Variants in AFG2A observed in about 807,000 individuals in gnomAD.
AFG2A encodes the protein AAA ATPase AFG2A, also known as ATPase family gene 2 protein homolog A.
At chr4:123,064,859 TA>T in the AFG2A span, among the ~76,000 whole-genome samples, 1 of 152,206 alleles carries the variant, frequency 6.6e-6, no homozygotes, top group East Asian at 1.9e-4. Context: ...TCATCTTTTT[TA>T]CTTAACTTCC....
the AFG2A span, among the ~76,000 whole-genome samples, chr4:123,080,842 T>C: frequency 6.6e-6 from 1 of 152,316 alleles, no homozygotes; most frequent in South Asian, 2.1e-4. Context: ...TTGCCATGAT[T>C]TTAATTCAGA....
At chr4:123,005,740 A>T in the AFG2A span, among the ~76,000 whole-genome samples, 1 of 152,224 alleles carries the variant, frequency 6.6e-6, no homozygotes, top group African/African-American at 2.4e-5. Context: ...ACATCTTTAA[A>T]TTATCACAGT....
the AFG2A span, among the ~76,000 whole-genome samples, chr4:122,930,827 C>T: frequency 1.3e-5 from 2 of 152,108 alleles, no homozygotes; most frequent in Admixed American, 6.6e-5. Context: ...ACCTCTTGAG[C>T]GCACAGCAGT....
the AFG2A span, among the ~76,000 whole-genome samples, chr4:123,067,073 C>T: frequency 6.6e-6 from 1 of 152,166 alleles, no homozygotes; most frequent in Non-Finnish European, 1.5e-5. Context: ...CTTGCTGTAG[C>T]TATCTCACCT....
the AFG2A span, among the ~76,000 whole-genome samples, chr4:123,257,758 C>T: frequency 2.0e-4 from 30 of 152,210 alleles, no homozygotes; most frequent in Non-Finnish European, 3.1e-4. Flanking sequence ...AAGAGGAAGA[C>T]GAAGAAACCA....
At chr4:123,183,933 T>TATTCATTCATTCATTC in the AFG2A span, among the ~76,000 whole-genome samples, 52 of 137,390 alleles carry the variant, frequency 3.8e-4, no homozygotes, top group African/African-American at 6.9e-4. Flanking sequence ...CTTGCTTATT[T>TATTCATTCATTCATTC]ATTCATTCAT....
chr4:123,136,442 G>A, the AFG2A span, among the ~76,000 whole-genome samples: 1 of 152,018 alleles, frequency 6.6e-6, no homozygotes, highest in Non-Finnish European at 1.5e-5. Flanking sequence ...GCCTAGACGG[G>A]CGGATCACGA....
chr4:122,974,869 A>G, the AFG2A span, among the ~76,000 whole-genome samples: 1 of 151,970 alleles, frequency 6.6e-6, no homozygotes, highest in Non-Finnish European at 1.5e-5. Context: ...CGAACTCTTG[A>G]TCTCAGGTGA....
At chr4:123,137,660 T>A in the AFG2A span, among the ~76,000 whole-genome samples, 2 of 152,232 alleles carry the variant, frequency 1.3e-5, no homozygotes, top group East Asian at 3.8e-4. Context: ...TCAGGTTTCT[T>A]AAAGTTGTGT....
At chr4:122,965,797 T>C in the AFG2A span, among the ~76,000 whole-genome samples, 1 of 152,200 alleles carries the variant, frequency 6.6e-6, no homozygotes, top group African/African-American at 2.4e-5. Flanking sequence ...TCTAAAAATA[T>C]ATGTATTTTT....
chr4:123,093,392 G>T, the AFG2A span, among the ~76,000 whole-genome samples: 3 of 152,268 alleles, frequency 2.0e-5, no homozygotes, highest in African/African-American at 7.2e-5. Context: ...CATGGAAACG[G>T]GTGGTAACTT....
the AFG2A span, among the ~76,000 whole-genome samples, chr4:122,994,642 A>G: frequency 6.6e-6 from 1 of 151,644 alleles, no homozygotes; most frequent in Non-Finnish European, 1.5e-5. Flanking sequence ...GAATTTGGAC[A>G]TTTGGTTCAC....
the AFG2A span, among the ~76,000 whole-genome samples, chr4:123,078,349 GGAA>G: frequency 6.6e-6 from 1 of 152,130 alleles, no homozygotes; most frequent in Admixed American, 6.5e-5. Flanking sequence ...TGAACGTCAA[GGAA>G]TAAAAGACTG....
the AFG2A span, among the ~76,000 whole-genome samples, chr4:123,300,641 C>G: frequency 3.9e-5 from 6 of 152,106 alleles, no homozygotes; most frequent in Non-Finnish European, 8.8e-5. Flanking sequence ...TGAAATTACA[C>G]ATAGTTAATA....
chr4:123,234,096 A>G, the AFG2A span, among the ~76,000 whole-genome samples: 1 of 152,154 alleles, frequency 6.6e-6, no homozygotes, highest in African/African-American at 2.4e-5. Context: ...GGAAAACTTT[A>G]ACATAATCCA....
At chr4:123,064,079 AG>A in the AFG2A span, among the ~76,000 whole-genome samples, 1 of 152,206 alleles carries the variant, frequency 6.6e-6, no homozygotes, top group Non-Finnish European at 1.5e-5. Context: ...CCTGTTTAAT[AG>A]ATTCTTTGGG....
chr4:123,206,245 A>G, the AFG2A span, among the ~76,000 whole-genome samples: 2 of 152,026 alleles, frequency 1.3e-5, no homozygotes, highest in African/African-American at 2.4e-5. Context: ...AAATTTGAGG[A>G]ATGTAAGTAT....
the AFG2A span, chr4:122,929,113 T>G: frequency 6.2e-7 from 1 of 1,613,582 alleles, no homozygotes; most frequent in Non-Finnish European, 8.5e-7. Flanking sequence ...CAGAAAAATG[T>G]GGGTGTGAGG....
the AFG2A span, among the ~76,000 whole-genome samples, chr4:122,992,535 G>A: frequency 1.3e-5 from 2 of 152,058 alleles, no homozygotes; most frequent in Admixed American, 1.3e-4. Context: ...ACTTATTTTG[G>A]TATAGAAAAC....
Sources: allele counts gnomAD v4.1 joint callset (sites outside exome capture counted in the v4.1 genomes callset), GRCh38; gene constraint gnomAD v4.1.1; transcripts MANE v1.5; gene names NCBI Gene and HGNC (gene_info 2026-07-23, HGNC 2026-07-21).